AMT: variants seen among roughly 807,000 people sequenced by gnomAD.
AMT encodes the protein aminomethyltransferase, mitochondrial.
A neutral mutation model predicts 39.5 loss-of-function variants in AMT; 24 were observed. The ratio of observed to expected loss-of-function variants is 0.61; its 90% confidence interval spans 0.44 to 0.86. AMT has a LOEUF of 0.86. Ranked by LOEUF, AMT falls within the 40% of genes least tolerant of loss-of-function variation. The pLI, the probability that AMT is intolerant of heterozygous loss-of-function variation, is 0.00. For missense variants in AMT, 501 were observed against 537.0 expected, an observed-to-expected ratio of 0.93 and a Z score of 0.66; for synonymous variants, 210 against 212.1, an observed-to-expected ratio of 0.99 and a Z score of 0.09.
At chr3:49,420,785 T>C (rs1387408239) in intron 3 of AMT, 1 of 236,274 alleles carries the variant, frequency 4.2e-6, no homozygotes, top group Non-Finnish European at 8.5e-6. Flanking sequence ...GCCTCCCCAC[T>C]GGATGGACAA....
chr3:49,420,489 C>T, intron 3 of AMT, 147 bp from the exon 4 acceptor site: 2 of 1,230,546 alleles, frequency 1.6e-6, no homozygotes, highest in South Asian at 1.3e-5. Context: ...CAAGTCTGGG[C>T]CCAAGTCCAA....
At chr3:49,419,596 T>G in intron 5 of AMT, 114 bp downstream of exon 5, 1 of 1,441,330 alleles carries the variant, frequency 6.9e-7, no homozygotes, top group Non-Finnish European at 9.8e-7. Flanking sequence ...CTTAAAATTA[T>G]GGCACACAAA....
intron 4 of AMT, 90 bp downstream of exon 4, chr3:49,420,121 C>T (rs958751542): frequency 5.7e-5 from 89 of 1,556,572 alleles, no homozygotes; most frequent in Non-Finnish European, 7.2e-5. Context: ...TTTTCCAGGT[C>T]CCTTGTCTGT....
rs371112488 is a variant in AMT at position 49,422,226 on chromosome 3, C to T, written c.136G>A (p.Gly46Ser). 5.2e-5 allele frequency: 84 copies of T among 1,613,996 alleles called. No homozygotes were observed. The highest frequency in any genetic ancestry group is 6.7e-5 in the Non-Finnish European group (79 of 1,180,040). Residue 46 changes from glycine to serine, a missense_variant, in exon 2 of 9, where the codon GGC (glycine) becomes AGC (serine). Transcript: ENST00000273588. ...CCCGCAAACGCCACCATTTTCCCGC[C>T]GTGGGCCAGGTGGAAGTCATAGAGC... is the stretch of plus-strand genomic sequence containing the variant. ...TPLYDFHLAH[G>S]GKMVAFAGWS...
chr3:49,422,134 G>A lies in AMT; in HGVS notation c.228C>T (p.Cys76=), dbSNP rs1575309000. ...TDSHLHTRQH[C]SLFDVSHMLQ... ...GCATATGAGACACGTCAAAGAGCGAGCAGTGCTGGCGTGTGTGCAGGTGCG... is the reference window on the plus strand; with the variant it reads ...GCATATGAGACACGTCAAAGAGCGAACAGTGCTGGCGTGTGTGCAGGTGCG... Residue 76 remains cysteine (C), a synonymous_variant, in exon 2 of 9, where the codon TGC becomes TGT. Coordinates refer to ENST00000273588, the MANE Select transcript of AMT (RefSeq NM_000481.4). 1 of 1,613,704 alleles carries A rather than the reference G, an allele frequency of 6.2e-7. No homozygotes were observed. Among genetic ancestry groups the A allele is most frequent in the Non-Finnish European group, 8.5e-7 (1 of 1,180,042 alleles).
In AMT at chr3:49,422,422, C is replaced by G. The variant is rs150649086; in HGVS notation, c.29G>C (p.Arg10Pro). 3.1e-6 allele frequency: 5 copies of G among 1,613,550 alleles called. No homozygotes were observed. Among genetic ancestry groups the G allele is most frequent in the Non-Finnish European group, 4.2e-6 (5 of 1,180,014 alleles). MQRAVSVVA[R>P]LGFRLQAFPP... is the part of the protein sequence containing the mutation. ...GAATGCCTGCAGGCGAAAGCCCAGACGGGCCACCACACTTACAGCCCTCTG... is the reference window on the plus strand; with the variant it reads ...GAATGCCTGCAGGCGAAAGCCCAGAGGGGCCACCACACTTACAGCCCTCTG... The change falls in exon 1 of 9, where the codon CGT (arginine) becomes CCT (proline). Residue 10 changes from arginine to proline, a missense_variant. Transcript: ENST00000273588.
Position 49,417,258 on chromosome 3 carries a change from A to G in AMT, c.*282T>C, listed in dbSNP as rs1317304940. 1.3e-6 allele frequency: 2 copies of G among 1,594,336 alleles called. No individual in the cohort carries two copies. The highest frequency in any genetic ancestry group is 4.5e-5 in the East Asian group (2 of 44,868). On this transcript the variant is annotated 3_prime_UTR_variant, in exon 9 of 9. Transcript: ENST00000273588. ...GCAGAGTGGGAGAGATGGCAGAACC[A>G]AAGCTTCTCATTACCCTCCAGCAGG...
Position 49,421,509 on chromosome 3 carries a change from C to T in AMT, c.322G>A (p.Glu108Lys). The T allele has an allele frequency of 1.2e-6, 2 of 1,614,142 alleles. No homozygotes were observed. The highest frequency in any genetic ancestry group is 1.7e-5 in the Admixed American group (1 of 60,018). The change falls in exon 3 of 9, where the codon GAG becomes AAG. Residue 108 changes from glutamate (E) to lysine (K), a missense_variant. Physicochemically the swap from Glu to Lys is moderately conservative, Grantham distance 56. Transcript: ENST00000273588. ...MESLVVGDIA[E>K]LRPNQGTLSL... is the part of the protein sequence containing the mutation. ...GGGCCCACCTGGTTTGGTCTTAGCT[C>T]TGCAATGTCTCCAACCACTAGACTC...
intron 7 of AMT, chr3:49,418,518 T>TTTTTTTAG (rs57888775): frequency 2.3e-5 from 3 of 129,854 alleles, no homozygotes; most frequent in Non-Finnish European, 3.2e-5. Flanking sequence ...TTTTTTTTTT[T>TTTTTTTAG]GAGACGGGGT....
In AMT at chr3:49,417,124, G is replaced by C. The variant is rs571207015; in HGVS notation, c.*416C>G. 1 of 797,072 alleles carries C rather than the reference G, an allele frequency of 1.3e-6. No individual in the cohort carries two copies. Among genetic ancestry groups the C allele is most frequent in the African/African-American group, 1.7e-5 (1 of 58,894 alleles). 49.4% of individuals were successfully genotyped at this position (797,072 alleles called of 1,614,324 possible). On this transcript the variant is annotated 3_prime_UTR_variant, in exon 9 of 9. Coordinates refer to ENST00000273588, the MANE Select transcript of AMT (RefSeq NM_000481.4). ...AAACTGGAGGGGGTAGCCTAAGTCC[G>C]CACTGCCCATGTTATTACCCTTTGC...
Position 49,417,342 on chromosome 3 carries a change from A to G in AMT, c.*198T>C. Reference sequence around the variant, plus strand: ...AAGACATTGTGTGAGCTGGTCCGTCACTCAGAAGCAGGGTCCTGAAGGAAG... The same window carrying G: ...AAGACATTGTGTGAGCTGGTCCGTCGCTCAGAAGCAGGGTCCTGAAGGAAG... On this transcript the variant is annotated 3_prime_UTR_variant, in exon 9 of 9. Transcript: ENST00000273588. 6.3e-7 allele frequency: 1 copy of G among 1,595,582 alleles called. No homozygotes were observed. The highest frequency in any genetic ancestry group is 1.1e-5 in the South Asian group (1 of 90,952).
At chr3:49,421,753 ACT>A in intron 2 of AMT, 181 bp from the exon 3 acceptor site, 1 of 696,244 alleles carries the variant, frequency 1.4e-6, no homozygotes, top group Non-Finnish European at 2.6e-6. Context: ...TCCCCCAGTC[ACT>A]CTGTGTGGGG....
chr3:49,422,221 C>T lies in AMT; in HGVS notation c.141G>A (p.Gly47=), dbSNP rs1286962248. The change falls in exon 2 of 9, where the codon GGG becomes GGA. Residue 47 remains glycine, a synonymous_variant. Coordinates refer to ENST00000273588, the MANE Select transcript of AMT (RefSeq NM_000481.4). ...TCCAACCCGCAAACGCCACCATTTT[C>T]CCGCCGTGGGCCAGGTGGAAGTCAT... ...PLYDFHLAHG[G]KMVAFAGWSL... The T allele has an allele frequency of 4.3e-6, 7 of 1,613,988 alleles. No individual in the cohort carries two copies. The highest frequency in any genetic ancestry group is 1.3e-5 in the African/African-American group (1 of 74,934).
At chr3:49,420,514 A>G (rs1160555448) in intron 3 of AMT, 172 bp from the exon 4 acceptor site, 8 of 924,902 alleles carry the variant, frequency 8.6e-6, no homozygotes, top group Non-Finnish European at 1.3e-5. Context: ...TTTGATCCTC[A>G]TGCATCAAGT....
rs772665836 is a variant in AMT, at chr3:49,420,265, G to A, written c.417C>T (p.His139=). 1 of 1,614,196 alleles carries A rather than the reference G, an allele frequency of 6.2e-7. No individual in the cohort carries two copies. The highest frequency in any genetic ancestry group is 8.5e-7 in the Non-Finnish European group (1 of 1,180,040). Residue 139 remains histidine (H), a synonymous_variant, in exon 4 of 9, where the codon CAC becomes CAT. Coordinates refer to ENST00000273588, the MANE Select transcript of AMT (RefSeq NM_000481.4). ...DLIVTNTSEG[H]LYVVSNAGCW... is the part of the protein sequence containing the mutation. ...AGCCAGCGTTGGACACCACATACAG[G>A]TGGCCCTCAGAAGTATTGGTTACAA...
rs201233398 is a variant in AMT, at chr3:49,420,219, G to A, written c.463C>T (p.Leu155Phe). The change falls in exon 4 of 9, where the codon CTC becomes TTC. Residue 155 changes from leucine (L) to phenylalanine (F), a missense_variant. Transcript: ENST00000273588. ...ACACAGAGGGGGTATACCTGCATGAGGGCCAAATCTTTCTCCCAGCAGCCA... is the reference window on the plus strand; with the variant it reads ...ACACAGAGGGGGTATACCTGCATGAAGGCCAAATCTTTCTCCCAGCAGCCA... ...NAGCWEKDLA[L>F]MQDKVRELQN... is the part of the protein sequence containing the mutation. 111 of 1,613,988 alleles carry A rather than the reference G, an allele frequency of 6.9e-5. No homozygotes were observed. The highest frequency in any genetic ancestry group is 8.6e-5 in the Non-Finnish European group (101 of 1,179,964).
chr3:49,417,635 C>T lies in AMT; in HGVS notation c.1117G>A (p.Gly373Arg). 5 of 1,614,184 alleles carry T rather than the reference C, an allele frequency of 3.1e-6. No homozygotes were observed. Among genetic ancestry groups the T allele is most frequent in the Non-Finnish European group, 3.4e-6 (4 of 1,180,028 alleles). ...CGCACCTCTACCAGCAGCATTGTCC[C>T]TGGACGACTGTACTCGCAGGGCACA... ...GYVPCEYSRP[G>R]TMLLVEVRRK... Residue 373 changes from glycine to arginine, a missense_variant, in exon 9 of 9, where the codon GGG (glycine) becomes AGG (arginine). By Grantham distance (125) the Gly-to-Arg change is moderately radical. Transcript: ENST00000273588.
rs563754526 is a variant in AMT, at chr3:49,420,189, C to T, written c.471+22G>A. The T allele has an allele frequency of 5.0e-6, 8 of 1,614,086 alleles. No individual in the cohort carries two copies. The African/African-American group carries it at 9.3e-5, about 19-fold the overall frequency. The stretch of plus-strand genomic sequence containing the variant: ...TCTATGAACAAGGAAGACAAGGTGT[C>T]TAGAACACAGAGGGGGTATACCTGC... On this transcript the variant is annotated intron_variant, in intron 4 of 8. Transcript: ENST00000273588.
rs1314293875 is a variant in AMT at position 49,417,492 on chromosome 3, T to C, written c.*48A>G. The C allele has an allele frequency of 6.2e-7, 1 of 1,613,972 alleles. No homozygotes were observed. Among genetic ancestry groups the C allele is most frequent in the Non-Finnish European group, 8.5e-7 (1 of 1,180,024 alleles). Reference sequence around the variant, plus strand: ...CTGCCTCAGCTTCTTGACTAACCCCTTGTAGGGGCAAAACTCCTGGAAGGG... The same window carrying C: ...CTGCCTCAGCTTCTTGACTAACCCCCTGTAGGGGCAAAACTCCTGGAAGGG... On this transcript the variant is annotated 3_prime_UTR_variant, in exon 9 of 9. Coordinates refer to ENST00000273588, the MANE Select transcript of AMT (RefSeq NM_000481.4).
Sources: gnomAD v4.1 joint callset for allele counts on GRCh38, gnomAD v4.1.1 for gene constraint, MANE v1.5 for transcripts, NCBI Gene and HGNC (gene_info 2026-07-23, HGNC 2026-07-21) for gene names.